Variants in HSD17B6 observed in about 807,000 individuals in gnomAD.
HSD17B6 encodes the protein hydroxysteroid 17-beta dehydrogenase 6.
A neutral mutation model predicts 26.4 loss-of-function variants in HSD17B6; 16 were observed. The observed-to-expected ratio is 0.61, with a 90% CI of 0.41 to 0.92. HSD17B6 has a LOEUF of 0.92. Ranked by LOEUF, HSD17B6 falls within the 40% of genes least tolerant of loss-of-function variation. HSD17B6 has a pLI of 0.00. For synonymous variants in HSD17B6, 139 were observed against 153.0 expected, an observed-to-expected ratio of 0.91 and a Z score of 0.68; for missense variants, 357 against 386.1, an observed-to-expected ratio of 0.92 and a Z score of 0.63.
intron 1 of HSD17B6, among the ~76,000 whole-genome samples, chr12:56,764,068 C>CAAAAAAAAAAAAAAAA (rs71081400): frequency 1.3e-4 from 10 of 74,340 alleles, no homozygotes; most frequent in Admixed American, 3.7e-4. Context: ...GACCGTGTCT[C>CAAAAAAAAAAAAAAAA]AAAAAAAAAA....
At chr12:56,787,084 G>A (rs528625672) in intron 4 of HSD17B6, 41 bp from the exon 5 acceptor site, 1 of 1,430,232 alleles carries the variant, frequency 7.0e-7, no homozygotes, top group East Asian at 2.3e-5. Context: ...AAAAATATAA[G>A]GAATAAGATT....
intron 1 of HSD17B6, among the ~76,000 whole-genome samples, chr12:56,766,130 C>G (rs1954322164): frequency 6.6e-6 from 1 of 151,952 alleles, no homozygotes; most frequent in South Asian, 2.1e-4. Flanking sequence ...CCCCTGCCTG[C>G]AAGAGAAAAA....
At chr12:56,772,710 AAAAG>A (rs1406497349) in intron 1 of HSD17B6, among the ~76,000 whole-genome samples, 1 of 116,634 alleles carries the variant, frequency 8.6e-6, no homozygotes, top group Non-Finnish European at 1.7e-5. Context: ...AAAAAAAAAA[AAAAG>A]AAAAAAAAAA....
At chr12:56,779,290 A>G (rs1026211337) in intron 2 of HSD17B6, among the ~76,000 whole-genome samples, 1 of 152,028 alleles carries the variant, frequency 6.6e-6, no homozygotes, top group Non-Finnish European at 1.5e-5. Flanking sequence ...GTGCACCACC[A>G]CACTTAGCTA....
rs1008055837 is a variant in HSD17B6, at chr12:56,776,076, C to T, written c.313+1911C>T. ...AAGTAGCTGGCACTACAAGCATGCA[C>T]CACCATACCGGGCTAATTTTTATAT... is the stretch of plus-strand genomic sequence containing the variant. On this transcript the variant is annotated intron_variant, in intron 2 of 4. Transcript: ENST00000322165. 2.6e-5 allele frequency among the ~76,000 whole-genome samples: 4 copies of T among 152,134 alleles called. No homozygotes were observed. In the South Asian group the frequency reaches 8.3e-4, roughly 32 times the overall value.
intron 1 of HSD17B6, among the ~76,000 whole-genome samples, chr12:56,769,892 G>A (rs1336660712): frequency 6.6e-6 from 1 of 152,176 alleles, no homozygotes; most frequent in Non-Finnish European, 1.5e-5. Context: ...CTTGCTGCTA[G>A]GCATGCGATG....
intron 3 of HSD17B6, 27 bp downstream of exon 3, chr12:56,782,259 T>C: frequency 6.2e-7 from 1 of 1,607,280 alleles, no homozygotes. Flanking sequence ...CAAAAACAGC[T>C]ATTGAGCACT....
intron 1 of HSD17B6, among the ~76,000 whole-genome samples, chr12:56,767,401 C>T (rs1954354167): frequency 6.6e-6 from 1 of 150,960 alleles, no homozygotes; most frequent in East Asian, 1.9e-4. Context: ...CCTGTAGTCC[C>T]AGCTACTCGG....
chr12:56,783,630 G>C (rs536462310), intron 3 of HSD17B6, among the ~76,000 whole-genome samples: 1,010 of 66,250 alleles, frequency 0.015, 24 homozygotes, highest in African/African-American at 0.071. Context: ...GCGGCTGGCC[G>C]GGTGGGGGGC....
rs190318344 is a variant in HSD17B6 at position 56,774,050 on chromosome 12, C to T, written c.198C>T (p.Ala66=). 9.0e-5 allele frequency: 146 copies of T among 1,614,006 alleles called. No homozygotes were observed. Among genetic ancestry groups the T allele is most frequent in the Non-Finnish European group, 1.1e-4 (131 of 1,179,954 alleles). The part of the protein sequence containing the change: ...VLAACLTEKG[A]EQLRGQTSDR... ...CTGCGTGTCTGACGGAGAAGGGGGCCGAGCAGCTGAGGGGCCAGACGTCTG... is the reference window on the plus strand; with the variant it reads ...CTGCGTGTCTGACGGAGAAGGGGGCTGAGCAGCTGAGGGGCCAGACGTCTG... The change falls in exon 2 of 5, where the codon GCC becomes GCT. Residue 66 remains alanine, a synonymous_variant. Coordinates refer to ENST00000322165, the MANE Select transcript of HSD17B6 (RefSeq NM_003725.4).
chr12:56,780,995 T>G (rs994565926), intron 2 of HSD17B6, among the ~76,000 whole-genome samples: 6 of 152,166 alleles, frequency 3.9e-5, no homozygotes, highest in Admixed American at 2.0e-4. Flanking sequence ...CAGTATACTC[T>G]CATGGCAAAT....
At chr12:56,782,974 A>G (rs1954758858) in intron 3 of HSD17B6, among the ~76,000 whole-genome samples, 1 of 152,228 alleles carries the variant, frequency 6.6e-6, no homozygotes, top group South Asian at 2.1e-4. Context: ...TCACAGATCA[A>G]CAGGATCCCA....
At chr12:56,775,808 T>C (rs1415922237) in intron 2 of HSD17B6, among the ~76,000 whole-genome samples, 2 of 152,208 alleles carry the variant, frequency 1.3e-5, no homozygotes. Flanking sequence ...TCACACAGAA[T>C]AGTTTCAGTT....
intron 1 of HSD17B6, among the ~76,000 whole-genome samples, chr12:56,770,798 T>TGGGGCAGGTTAAATC (rs1954453964): frequency 6.6e-6 from 1 of 152,122 alleles, no homozygotes; most frequent in Non-Finnish European, 1.5e-5. Context: ...TGTTAGACCA[T>TGGGGCAGGTTAAATC]GGGGCAGGTT....
chr12:56,773,754 G>A (rs1256483786), intron 1 of HSD17B6, 80 bp from the exon 2 acceptor site: 2 of 1,323,234 alleles, frequency 1.5e-6, no homozygotes, highest in African/African-American at 3.0e-5. Context: ...CTAGTGCAAT[G>A]CCTGGCACAT....
At chr12:56,786,861 A>C (rs1186805113) in intron 4 of HSD17B6, among the ~76,000 whole-genome samples, 1 of 152,196 alleles carries the variant, frequency 6.6e-6, no homozygotes, top group East Asian at 1.9e-4. Context: ...AAGAAACCCC[A>C]AAAAACAACC....
chr12:56,765,042 C>A (rs1299572598), intron 1 of HSD17B6, among the ~76,000 whole-genome samples: 2 of 152,050 alleles, frequency 1.3e-5, no homozygotes, highest in African/African-American at 4.8e-5. Context: ...CCAGGCTGGT[C>A]TTGAACTCCT....
At chr12:56,780,821 C>G (rs568529368) in intron 2 of HSD17B6, among the ~76,000 whole-genome samples, 36 of 144,646 alleles carry the variant, frequency 2.5e-4, no homozygotes, top group African/African-American at 9.4e-4. Context: ...TGCACTCCAG[C>G]CTGGGCGAGA....
At chr12:56,781,127 C>A (rs923917667) in intron 2 of HSD17B6, among the ~76,000 whole-genome samples, 1 of 152,146 alleles carries the variant, frequency 6.6e-6, no homozygotes, top group Non-Finnish European at 1.5e-5. Flanking sequence ...AACAGGGGGG[C>A]TTCTTTAATC....
Sources: allele counts gnomAD v4.1 joint callset (sites outside exome capture counted in the v4.1 genomes callset), GRCh38; gene constraint gnomAD v4.1.1; transcripts MANE v1.5; gene names NCBI Gene and HGNC (gene_info 2026-07-23, HGNC 2026-07-21).